The following MREG variants were observed in gnomAD, a reference collection of about 807,000 sequenced individuals.
MREG encodes melanoregulin, also known as dilute suppressor protein homolog.
MREG carries 31 observed loss-of-function variants against 28.5 expected under a neutral mutation model. That is an observed-to-expected ratio of 1.09 (90% CI 0.82 to 1.47). The LOEUF is 1.47. MREG is among the 40% of genes most tolerant of loss of function. MREG has a pLI of 0.00. For missense variants in MREG, 256 were observed against 257.4 expected (o/e 0.99, Z 0.04); for synonymous variants, 106 against 95.2 (o/e 1.11, Z -0.66).
chr2:215,993,392 C>T (rs1693772507), intron 2 of MREG, among the ~76,000 whole-genome samples: 1 of 152,198 alleles, frequency 6.6e-6, no homozygotes, highest in Non-Finnish European at 1.5e-5. Context: ...AACTGGACCC[C>T]TTCCTTATAC....
rs1293575865 is a variant in MREG, at chr2:215,946,228, T to G, written c.347-494A>C. ...AGACTTAAACCTACTTGGAGTAACT[T>G]TCATTGTTTAAAAAAAAAAAAAGGC... is the stretch of plus-strand genomic sequence containing the variant. On this transcript the variant is annotated intron_variant, in intron 3 of 4. Transcript: ENST00000263268. Among the ~76,000 whole-genome samples the G allele has an allele frequency of 2.6e-5, 4 of 151,286 alleles. No homozygotes were observed. The East Asian group carries it at 7.7e-4, about 29-fold the overall frequency.
chr2:215,999,649 C>T (rs762749453), intron 1 of MREG, among the ~76,000 whole-genome samples: 8 of 152,172 alleles, frequency 5.3e-5, no homozygotes, highest in East Asian at 1.9e-4. Flanking sequence ...TAAAAGTAAG[C>T]GAGGTTGAGA....
At position 215,968,989 on chromosome 2, in the gene MREG, G is replaced by A. The variant is rs528203192; in HGVS notation, c.256-21876C>T. 6.1e-4 allele frequency among the ~76,000 whole-genome samples: 93 copies of A among 152,296 alleles called. 1 individual carries two copies. Among genetic ancestry groups the A allele is most frequent in the African/African-American group, 2.0e-3 (83 of 41,554 alleles). On this transcript the variant is annotated intron_variant, in intron 2 of 4. Transcript: ENST00000263268. ...GCTCAGACTGGTCTCAAACTCCTGA[G>A]CTCAAGCAATCCTCCTGCCTTAGCC...
At chr2:216,004,505 A>G (rs1016508556) in intron 1 of MREG, among the ~76,000 whole-genome samples, 4 of 151,772 alleles carry the variant, frequency 2.6e-5, no homozygotes, top group Non-Finnish European at 5.9e-5. Flanking sequence ...GATAATGCCA[A>G]TGCACTCCAG....
chr2:215,969,022 G>C (rs1458487519), intron 2 of MREG, among the ~76,000 whole-genome samples: 1 of 152,194 alleles, frequency 6.6e-6, no homozygotes, highest in East Asian at 1.9e-4. Context: ...GCCTCCCAAA[G>C]TGCTGGGATT....
At chr2:216,028,482 C>T (rs371440338) in intron 1 of MREG, among the ~76,000 whole-genome samples, 3 of 145,908 alleles carry the variant, frequency 2.1e-5, no homozygotes, top group Non-Finnish European at 3.0e-5. Context: ...GAGCCGAGAT[C>T]GCGCCACTGC....
chr2:215,974,842 AC>A lies in MREG; in HGVS notation c.255+21463del, dbSNP rs1444158002. Among the ~76,000 whole-genome samples, 829 of 147,242 alleles carry A rather than the reference AC, an allele frequency of 5.6e-3. 7 individuals carry two copies. Among genetic ancestry groups the A allele is most frequent in the African/African-American group, 0.02 (794 of 39,802 alleles). ...CACACACAGACACACACACACACAC[AC>A]ACACACACACTCTCTCTCTCTCTCT... On this transcript the variant is annotated intron_variant, in intron 2 of 4. Coordinates refer to ENST00000263268, the MANE Select transcript of MREG (RefSeq NM_018000.3).
At chr2:216,013,192 G>T in intron 1 of MREG, 41 bp downstream of exon 1, 4 of 1,528,054 alleles carry the variant, frequency 2.6e-6, no homozygotes, top group Admixed American at 3.9e-5. Flanking sequence ...CCCGGCTACG[G>T]CCCAGGTAAG....
chr2:215,949,751 C>G (rs985879157), intron 2 of MREG, among the ~76,000 whole-genome samples: 1 of 152,152 alleles, frequency 6.6e-6, no homozygotes, highest in African/African-American at 2.4e-5. Flanking sequence ...AATTTTATAA[C>G]TGATCCATTT....
At chr2:215,964,343 G>A (rs775314564) in intron 2 of MREG, among the ~76,000 whole-genome samples, 1 of 152,006 alleles carries the variant, frequency 6.6e-6, no homozygotes, top group South Asian at 2.1e-4. Context: ...AATTAGCTTG[G>A]CATGGAGGCA....
chr2:216,011,362 C>T (rs1694305342), intron 1 of MREG, among the ~76,000 whole-genome samples: 1 of 152,120 alleles, frequency 6.6e-6, no homozygotes, highest in African/African-American at 2.4e-5. Flanking sequence ...GAGACCAGTC[C>T]ACTCATACCC....
chr2:215,958,463 A>G (rs1017590134), intron 2 of MREG, among the ~76,000 whole-genome samples: 3 of 152,086 alleles, frequency 2.0e-5, no homozygotes, highest in African/African-American at 7.2e-5. Flanking sequence ...AACCCAAGAG[A>G]AAAAGGATTC....
chr2:216,029,305 C>G (rs1694644548), intron 1 of MREG, among the ~76,000 whole-genome samples: 1 of 151,946 alleles, frequency 6.6e-6, no homozygotes, highest in Non-Finnish European at 1.5e-5. Flanking sequence ...TGGTGAAACC[C>G]TGTCTCTATT....
intron 1 of MREG, among the ~76,000 whole-genome samples, chr2:216,022,981 C>G (rs1387598797): frequency 6.6e-6 from 1 of 152,226 alleles, no homozygotes; most frequent in Non-Finnish European, 1.5e-5. Context: ...AGCCCAGATC[C>G]TACCCATCTG....
chr2:215,988,483 C>T (rs966863668), intron 2 of MREG, among the ~76,000 whole-genome samples: 1 of 152,136 alleles, frequency 6.6e-6, no homozygotes, highest in African/African-American at 2.4e-5. Context: ...CACCAGACAC[C>T]GAGCTAGCTA....
intron 2 of MREG, among the ~76,000 whole-genome samples, chr2:215,976,107 C>CA (rs11323124): frequency 2.4e-3 from 335 of 139,402 alleles, no homozygotes; most frequent in Middle Eastern, 3.8e-3. Context: ...GACTCCGTCT[C>CA]AAAAAAAAAA....
At chr2:215,990,671 T>C (rs1574633079) in intron 2 of MREG, among the ~76,000 whole-genome samples, 1 of 151,960 alleles carries the variant, frequency 6.6e-6, no homozygotes, top group African/African-American at 2.4e-5. Flanking sequence ...CAAAGACACA[T>C]ATAGGCTCAA....
At chr2:215,955,759 T>C (rs556808952) in intron 2 of MREG, among the ~76,000 whole-genome samples, 1 of 152,292 alleles carries the variant, frequency 6.6e-6, no homozygotes, top group African/African-American at 2.4e-5. Flanking sequence ...GTAGGAAATA[T>C]CAGATAAGGT....
chr2:215,974,852 A>ACACACACACACACTCT (rs1553550318), intron 2 of MREG, among the ~76,000 whole-genome samples: 1 of 107,554 alleles, frequency 9.3e-6, no homozygotes. Context: ...ACACACACAC[A>ACACACACACACACTCT]CTCTCTCTCT....
Sources: gnomAD v4.1 joint callset for allele counts (sites outside exome capture counted in the v4.1 genomes callset) on GRCh38, gnomAD v4.1.1 for gene constraint, MANE v1.5 for transcripts, NCBI Gene and HGNC (gene_info 2026-07-23, HGNC 2026-07-21) for gene names.